CSMD1: variants seen among roughly 807,000 people sequenced by gnomAD.
CSMD1 encodes the protein CUB and sushi domain-containing protein 1.
In CSMD1, 213 loss-of-function variants were observed where a neutral mutation model predicts 417.5. The ratio of observed to expected loss-of-function variants is 0.51; its 90% CI spans 0.46 to 0.57. The LOEUF is 0.57. CSMD1 is among the 20% of genes least tolerant of loss of function. The probability of loss-of-function intolerance (pLI) is 0.00; values close to 1 mark genes in which losing one functional copy is unlikely to be tolerated. For synonymous variants in CSMD1, 2,862 were observed against 1,736.8 expected (o/e 1.65, Z -16.11); for missense variants, 6,923 against 4,529.7 (o/e 1.53, Z -15.17).
At chr8:4,095,420 T>C (rs912971244) in intron 3 of CSMD1, among the ~76,000 whole-genome samples, 4 of 152,170 alleles carry the variant, frequency 2.6e-5, no homozygotes, top group Non-Finnish European at 5.9e-5. Context: ...ATGACAATAG[T>C]GCAGCTAGTG....
intron 3 of CSMD1, among the ~76,000 whole-genome samples, chr8:4,381,132 T>A (rs967382064): frequency 6.6e-6 from 1 of 152,196 alleles, no homozygotes; most frequent in African/African-American, 2.4e-5. Context: ...AAAATGTCAG[T>A]GACTTCAGAA....
At chr8:3,852,557 G>T (rs966265382) in intron 5 of CSMD1, among the ~76,000 whole-genome samples, 16 of 152,130 alleles carry the variant, frequency 1.1e-4, no homozygotes, top group Admixed American at 6.5e-5. Context: ...TGAGGAAGGT[G>T]GGAGGAGGGA....
At chr8:4,084,314 AT>A (rs1800305432) in intron 3 of CSMD1, among the ~76,000 whole-genome samples, 1 of 132,390 alleles carries the variant, frequency 7.6e-6, no homozygotes. Flanking sequence ...GTGACAAAAA[AT>A]ATTGGTTTGT....
intron 3 of CSMD1, among the ~76,000 whole-genome samples, chr8:4,290,868 C>T (rs1287696103): frequency 1.3e-5 from 2 of 152,160 alleles, no homozygotes; most frequent in Non-Finnish European, 2.9e-5. Context: ...TTTCTTGTGA[C>T]TCATCATCCT....
intron 4 of CSMD1, among the ~76,000 whole-genome samples, chr8:4,024,779 A>T (rs1031055803): frequency 6.6e-6 from 1 of 152,208 alleles, no homozygotes; most frequent in African/African-American, 2.4e-5. Flanking sequence ...AAACATACGT[A>T]GTTTATGACA....
intron 3 of CSMD1, among the ~76,000 whole-genome samples, chr8:4,173,234 G>A (rs560946843): frequency 6.6e-6 from 1 of 152,238 alleles, no homozygotes; most frequent in African/African-American, 2.4e-5. Context: ...TTTAATGCAA[G>A]CTTGTCTCAC....
intron 1 of CSMD1, among the ~76,000 whole-genome samples, chr8:4,991,961 G>A (rs2117483042): frequency 6.6e-6 from 1 of 152,246 alleles, no homozygotes; most frequent in African/African-American, 2.4e-5. Context: ...TGAGAGCTAC[G>A]TCCGAGCGTC....
Position 3,369,241 on chromosome 8 carries a change from G to A in CSMD1, c.2899+13C>T, listed in dbSNP as rs369414785. 3 of 1,293,620 alleles carry A rather than the reference G, an allele frequency of 2.3e-6. No homozygotes were observed. Among genetic ancestry groups the A allele is most frequent in the Non-Finnish European group, 3.4e-6 (3 of 892,158 alleles). The allele number at this position is 1,293,620 out of a possible 1,614,324, so 80.1% of individuals were successfully genotyped here. A position where few individuals can be genotyped will look rare whatever the true frequency, so the allele number is the denominator to read the frequency against. On this transcript the variant is annotated intron_variant, in intron 19 of 69. Coordinates refer to ENST00000635120, the MANE Select transcript of CSMD1 (RefSeq NM_033225.6). ...ATTAGTCTGTATGTTTGAGACCTAT[G>A]ATAGATTCTTACCTTTCCCATGAGA... is the stretch of plus-strand genomic sequence containing the variant.
At chr8:3,591,494 G>A (rs1301757336) in intron 8 of CSMD1, among the ~76,000 whole-genome samples, 1 of 152,050 alleles carries the variant, frequency 6.6e-6, no homozygotes, top group Non-Finnish European at 1.5e-5. Context: ...AACTATTTTT[G>A]AAAAATAATT....
chr8:3,335,849 G>C (rs1198720604), intron 23 of CSMD1, among the ~76,000 whole-genome samples: 1 of 152,092 alleles, frequency 6.6e-6, no homozygotes, highest in Non-Finnish European at 1.5e-5. Context: ...GTGGAGACTG[G>C]GCTCAGAGAG....
chr8:3,681,595 G>C (rs550270853), intron 7 of CSMD1, among the ~76,000 whole-genome samples: 1 of 152,080 alleles, frequency 6.6e-6, no homozygotes, highest in Non-Finnish European at 1.5e-5. Context: ...AGTAAATATC[G>C]TCAAAATGGC....
chr8:4,786,921 C>T (rs1797428416), intron 1 of CSMD1, among the ~76,000 whole-genome samples: 1 of 152,138 alleles, frequency 6.6e-6, no homozygotes, highest in South Asian at 2.1e-4. Context: ...GCTAGTACTT[C>T]ATTTAAAAGG....
intron 10 of CSMD1, among the ~76,000 whole-genome samples, chr8:3,568,132 T>A (rs1024219737): frequency 2.0e-5 from 3 of 152,204 alleles, no homozygotes; most frequent in Non-Finnish European, 4.4e-5. Flanking sequence ...AAACTTATAA[T>A]TAAATACTTG....
chr8:4,166,508 G>GA (rs1797464499), intron 3 of CSMD1, among the ~76,000 whole-genome samples: 1 of 152,176 alleles, frequency 6.6e-6, no homozygotes, highest in South Asian at 2.1e-4. Context: ...CTCAGGAATG[G>GA]AAAAGCAAAT....
At chr8:3,796,012 ATATATATCATG>A in intron 5 of CSMD1, among the ~76,000 whole-genome samples, 2 of 65,506 alleles carry the variant, frequency 3.1e-5, no homozygotes, top group African/African-American at 9.6e-5. Context: ...ATGTATATAG[ATATATATCATG>A]TATAGATATA....
At chr8:4,917,761 A>G (rs1806169285) in intron 1 of CSMD1, among the ~76,000 whole-genome samples, 1 of 152,244 alleles carries the variant, frequency 6.6e-6, no homozygotes, top group Non-Finnish European at 1.5e-5. Flanking sequence ...CCAAGTTCAC[A>G]ATACCTAATA....
intron 3 of CSMD1, among the ~76,000 whole-genome samples, chr8:4,344,389 A>G (rs1204350093): frequency 6.6e-6 from 1 of 152,062 alleles, no homozygotes; most frequent in East Asian, 1.9e-4. Context: ...TCAAGCTCAG[A>G]GAGTACCTAC....
At chr8:3,966,774 C>A (rs1182211090) in intron 5 of CSMD1, among the ~76,000 whole-genome samples, 2 of 151,604 alleles carry the variant, frequency 1.3e-5, no homozygotes, top group East Asian at 1.9e-4. Flanking sequence ...CGCACACACA[C>A]TGATTTATAG....
At chr8:4,531,763 A>T (rs750887845) in intron 2 of CSMD1, among the ~76,000 whole-genome samples, 1 of 152,180 alleles carries the variant, frequency 6.6e-6, no homozygotes, top group Non-Finnish European at 1.5e-5. Flanking sequence ...AAAGTATACA[A>T]TCTGGTGCTT....
Sources: gnomAD v4.1 joint callset for allele counts (sites outside exome capture counted in the v4.1 genomes callset) on GRCh38, gnomAD v4.1.1 for gene constraint, MANE v1.5 for transcripts, NCBI Gene and HGNC (gene_info 2026-07-23, HGNC 2026-07-21) for gene names.